PRH1: variants seen among roughly 807,000 people sequenced by gnomAD.
PRH1 encodes the protein proline rich protein HaeIII subfamily 1.
PRH1 carries 7 observed loss-of-function variants against 7.9 expected under a neutral mutation model. That is an observed-to-expected ratio of 0.89 (90% CI 0.50 to 1.67). PRH1 has a LOEUF of 1.67. PRH1 is among the 40% of genes most tolerant of loss of function. The pLI, the probability that PRH1 is intolerant of heterozygous loss-of-function variation, is 0.00. For missense variants in PRH1, 109 were observed against 223.6 expected, an observed-to-expected ratio of 0.49 and a Z score of 3.27; for synonymous variants, 45 against 80.8, an observed-to-expected ratio of 0.56 and a Z score of 2.38.
chr12:11,107,984 A>G (rs1041811165), intron 1 of PRH1, among the ~76,000 whole-genome samples: 1 of 152,102 alleles, frequency 6.6e-6, no homozygotes, highest in Non-Finnish European at 1.5e-5. Context: ...AAAGGCCAGG[A>G]GAGAGTGGTA....
chr12:11,029,077 T>C (rs949214504), intron 1 of PRH1, among the ~76,000 whole-genome samples: 3 of 152,284 alleles, frequency 2.0e-5, no homozygotes, highest in Non-Finnish European at 4.4e-5. Context: ...ACATTATCTC[T>C]TTTTTTACAG....
intron 2 of PRH1, among the ~76,000 whole-genome samples, chr12:10,896,231 A>G (rs545745640): frequency 2.8e-4 from 43 of 152,276 alleles, no homozygotes; most frequent in African/African-American, 1.0e-3. Context: ...TAGTTTTACA[A>G]TGCCATCTTT....
rs1436628153 is a variant in PRH1 at position 11,095,720 on chromosome 12, T to G, written n.124-48532A>C. 3.5e-5 allele frequency among the ~76,000 whole-genome samples: 4 copies of G among 113,672 alleles called. 1 individual carries two copies. Among genetic ancestry groups the G allele is most frequent in the East Asian group, 4.2e-4 (2 of 4,708 alleles). 74.6% of individuals were successfully genotyped at this position (113,672 alleles called of 152,430 possible). A position where few individuals can be genotyped will look rare whatever the true frequency, so the allele number is the denominator to read the frequency against. On this transcript the variant is annotated intron_variant and non_coding_transcript_variant, in intron 1 of 4. Transcript: ENST00000541977. ...CACAAGGCTGAGGTGGGAGGATGGT[T>G]TGAGCCCAGGAGTTCCAGACTGCAG...
intron 1 of PRH1, among the ~76,000 whole-genome samples, chr12:11,151,506 G>A (rs1021712382): frequency 6.6e-5 from 10 of 152,096 alleles, no homozygotes; most frequent in African/African-American, 4.8e-5. Context: ...AAACACATAC[G>A]AAGAAATCAA....
chr12:11,152,886 C>G (rs1023055966), intron 1 of PRH1, among the ~76,000 whole-genome samples: 1 of 152,188 alleles, frequency 6.6e-6, no homozygotes, highest in Admixed American at 6.5e-5. Context: ...ACAGCTGCCC[C>G]TTCTGCCTGA....
chr12:11,071,076 A>T, intron 1 of PRH1, among the ~76,000 whole-genome samples: 1 of 142,888 alleles, frequency 7.0e-6, no homozygotes, highest in African/African-American at 2.5e-5. Context: ...TTTCACCCCC[A>T]CTCACTAGAC....
At chr12:11,117,737 C>A (rs968083669), downstream of PRH1, among the ~76,000 whole-genome samples, 1 of 152,116 alleles carries the variant, frequency 6.6e-6, no homozygotes, top group African/African-American at 2.4e-5. Flanking sequence ...AACGATGGAA[C>A]AGAACAGACA....
At chr12:11,027,136 G>A (rs1302196545) in intron 1 of PRH1, among the ~76,000 whole-genome samples, 530 of 103,070 alleles carry the variant, frequency 5.1e-3, no homozygotes, top group South Asian at 0.025. Flanking sequence ...GTGATGTTGT[G>A]CCCCTGCAGT....
chr12:11,088,682 G>A (rs201145712), intron 1 of PRH1, among the ~76,000 whole-genome samples: 7 of 103,360 alleles, frequency 6.8e-5, no homozygotes, highest in East Asian at 2.3e-4. Context: ...ACTCATTAAT[G>A]AAGTTTCCCA....
chr12:10,990,764 T>C (rs901944450), intron 1 of PRH1, among the ~76,000 whole-genome samples: 3 of 152,108 alleles, frequency 2.0e-5, no homozygotes, highest in African/African-American at 7.2e-5. Flanking sequence ...ATGGCAAAAG[T>C]GATGACAAGG....
intron 2 of PRH1, among the ~76,000 whole-genome samples, chr12:10,912,289 T>C (rs1018880029): frequency 2.0e-5 from 3 of 152,186 alleles, no homozygotes; most frequent in African/African-American, 4.8e-5. Context: ...ATTTCTATGA[T>C]CTTGATCTGG....
chr12:10,977,000 G>C (rs1169331335), intron 1 of PRH1, among the ~76,000 whole-genome samples: 1 of 152,000 alleles, frequency 6.6e-6, no homozygotes, highest in African/African-American at 2.4e-5. Context: ...CAAAGCACTG[G>C]TATGATTTAT....
chr12:11,150,285 A>G (rs1947028492), intron 1 of PRH1, among the ~76,000 whole-genome samples: 1 of 151,980 alleles, frequency 6.6e-6, no homozygotes, highest in Admixed American at 6.6e-5. Context: ...ATCTAGAGCT[A>G]GAAATACCAT....
intron 1 of PRH1, among the ~76,000 whole-genome samples, chr12:11,101,817 CCTT>C (rs1455514967): frequency 6.6e-6 from 1 of 152,122 alleles, no homozygotes; most frequent in Non-Finnish European, 1.5e-5. Context: ...CCCAAAATCT[CCTT>C]AAGCTGATAA....
chr12:10,887,790 G>A (rs1368786441), upstream of PRH1, among the ~76,000 whole-genome samples: 1 of 152,080 alleles, frequency 6.6e-6, no homozygotes, highest in African/African-American at 2.4e-5. Flanking sequence ...AAATTAAGTT[G>A]ATTTTCTCTT....
intron 1 of PRH1, among the ~76,000 whole-genome samples, chr12:11,168,408 G>A (rs1947702577): frequency 2.5e-5 from 2 of 80,166 alleles, no homozygotes; most frequent in African/African-American, 4.1e-5. Flanking sequence ...AAGAAAGAAA[G>A]AAAGAAAGAA....
chr12:10,963,695 C>CATCCCTATT lies in PRH1; in HGVS notation c.-59+9951_-59+9959dup, dbSNP rs548969880. Among the ~76,000 whole-genome samples the CATCCCTATT allele has an allele frequency of 2.1e-3, 316 of 152,302 alleles. 2 individuals carry two copies. Among genetic ancestry groups the CATCCCTATT allele is most frequent in the African/African-American group, 7.3e-3 (302 of 41,572 alleles). ...GAGGTCAGCATTGTGTTTCTTTCTTCATCCCTATTACAGATATGACTTTTT... is the reference window on the plus strand; with the variant it reads ...GAGGTCAGCATTGTGTTTCTTTCTTCATCCCTATTATCCCTATTACAGATATGACTTTTT... On this transcript the variant is annotated intron_variant, in intron 2 of 3. Coordinates refer to the PRH1 transcript ENST00000539853.
At chr12:11,163,530 G>A (rs908929803) in intron 1 of PRH1, among the ~76,000 whole-genome samples, 8 of 152,132 alleles carry the variant, frequency 5.3e-5, no homozygotes, top group Admixed American at 2.0e-4. Context: ...TCTGAGTACT[G>A]TTAGTTTGAA....
At chr12:11,006,848 C>T (rs1940855302) in intron 1 of PRH1, among the ~76,000 whole-genome samples, 1 of 151,756 alleles carries the variant, frequency 6.6e-6, no homozygotes, top group Non-Finnish European at 1.5e-5. Flanking sequence ...TTTCTTATTC[C>T]CAAAATAGCT....
Sources: allele counts gnomAD v4.1 joint callset (sites outside exome capture counted in the v4.1 genomes callset), GRCh38; gene constraint gnomAD v4.1.1; transcripts MANE v1.5; gene names NCBI Gene and HGNC (gene_info 2026-07-23, HGNC 2026-07-21).